ZBTB14: variants seen among roughly 807,000 people sequenced by gnomAD.
ZBTB14 encodes zinc finger and BTB domain-containing protein 14.
In ZBTB14, 8 loss-of-function variants were observed where a neutral mutation model predicts 29.5. The ratio of observed to expected loss-of-function variants is 0.27; its 90% CI spans 0.16 to 0.49. The LOEUF is 0.49. ZBTB14 is among the 20% of genes least tolerant of loss of function. The probability of loss-of-function intolerance (pLI) is 0.99; values close to 1 mark genes in which losing one functional copy is unlikely to be tolerated. For missense variants in ZBTB14, 333 were observed against 563.8 expected, an observed-to-expected ratio of 0.59 and a Z score of 4.15; for synonymous variants, 226 against 207.2, an observed-to-expected ratio of 1.09 and a Z score of -0.78.
In ZBTB14 at chr18:5,289,415, C is replaced by G. The variant is rs955354410; in HGVS notation, c.*1443G>C. On this transcript the variant is annotated 3_prime_UTR_variant, in exon 4 of 4. Coordinates refer to ENST00000651870, the MANE Select transcript of ZBTB14 (RefSeq NM_001243702.2). ...TACTTTAATTTTTTTAAAAGAAATC[C>G]TAGCAATGAAAAATGAGTTTGAAAA... is the stretch of plus-strand genomic sequence containing the variant. The G allele has an allele frequency of 6.6e-6, 1 of 152,078 alleles. No homozygotes were observed. Among genetic ancestry groups the G allele is most frequent in the Admixed American group, 6.5e-5 (1 of 15,274 alleles). The allele number at this position is 152,078 out of a possible 1,614,324, so 9.4% of individuals were successfully genotyped here.
At chr18:5,296,946 G>T (rs995693292), upstream of ZBTB14, 7 of 152,052 alleles carry the variant, frequency 4.6e-5, no homozygotes, top group African/African-American at 1.7e-4. Flanking sequence ...CTCTGACGCG[G>T]CGGCTGTGCC....
At position 5,291,129 on chromosome 18, in the gene ZBTB14, G is replaced by A. The variant is rs748777484; in HGVS notation, c.1079C>T (p.Pro360Leu). 1 of 1,614,250 alleles carries A rather than the reference G, an allele frequency of 6.2e-7. No individual in the cohort carries two copies. ...KHERVHSNER[P>L]FACHMCDKAF... The stretch of plus-strand genomic sequence containing the variant: ...TTTGTCACACATGTGGCACGCAAAC[G>A]GTCTTTCATTACTGTGAACTCTCTC... The change falls in exon 4 of 4, where the codon CCG (proline) becomes CTG (leucine). Residue 360 changes from proline to leucine, a missense_variant. Coordinates refer to ENST00000651870, the MANE Select transcript of ZBTB14 (RefSeq NM_001243702.2). This position sits in a 1 kb window ranked among gnomAD's most constrained non-coding sequence, Gnocchi z 5.8.
intron 1 of ZBTB14, among the ~76,000 whole-genome samples, chr18:5,294,236 A>C (rs72863631): frequency 0.12 from 18,572 of 152,202 alleles, 1,301 homozygotes; most frequent in Non-Finnish European, 0.16. Flanking sequence ...GTTAGGCAAC[A>C]TTTCCAAAAG....
rs1324046190 is a variant in ZBTB14, at chr18:5,289,502, A to C, written c.*1356T>G. ...ATTGACTAATACTTTTTTACAGAAC[A>C]CAATTCAAACTATTGTTGGCATTTC... is the stretch of plus-strand genomic sequence containing the variant. On this transcript the variant is annotated 3_prime_UTR_variant, in exon 4 of 4. Transcript: ENST00000651870. 1.3e-5 allele frequency: 2 copies of C among 152,214 alleles called. No homozygotes were observed. Among genetic ancestry groups the C allele is most frequent in the Admixed American group, 1.3e-4 (2 of 15,286 alleles). 9.4% of individuals were successfully genotyped at this position (152,214 alleles called of 1,614,324 possible). A position where few individuals can be genotyped will look rare whatever the true frequency, so the allele number is the denominator to read the frequency against.
upstream of ZBTB14, among the ~76,000 whole-genome samples, chr18:5,296,427 G>C (rs990666290): frequency 6.7e-6 from 1 of 150,042 alleles, no homozygotes; most frequent in African/African-American, 2.4e-5. Context: ...CCGGGGACGC[G>C]GGAGCCAGCG....
At position 5,291,926 on chromosome 18, in the gene ZBTB14, G is replaced by A. The variant is rs375725731; in HGVS notation, c.282C>T (p.Tyr94=). 61 of 1,614,154 alleles carry A rather than the reference G, an allele frequency of 3.8e-5. No individual in the cohort carries two copies. The South Asian group carries it at 5.6e-4, about 15-fold the overall frequency. The stretch of plus-strand genomic sequence containing the variant: ...CTTTTTTCACGGAAATCTTTGCTGT[G>A]TACATGTAGTTCAGGACCTCTTCAA... The part of the protein sequence containing the change: ...DIFEEVLNYM[Y]TAKISVKKED... The change falls in exon 4 of 4, where the codon TAC becomes TAT. Residue 94 remains tyrosine, a synonymous_variant. Coordinates refer to ENST00000651870, the MANE Select transcript of ZBTB14 (RefSeq NM_001243702.2). This position sits in a 1 kb window ranked among gnomAD's most constrained non-coding sequence, Gnocchi z 5.8.
At position 5,291,127 on chromosome 18, in the gene ZBTB14, A is replaced by G; in HGVS notation, c.1081T>C (p.Phe361Leu). The G allele has an allele frequency of 6.2e-7, 1 of 1,614,268 alleles. No homozygotes were observed. Among genetic ancestry groups the G allele is most frequent in the Non-Finnish European group, 8.5e-7 (1 of 1,180,050 alleles). ...HERVHSNERP[F>L]ACHMCDKAFK... is the part of the protein sequence containing the mutation. ...GCTTTGTCACACATGTGGCACGCAA[A>G]CGGTCTTTCATTACTGTGAACTCTC... The change falls in exon 4 of 4, where the codon TTT becomes CTT. Residue 361 changes from phenylalanine to leucine, a missense_variant. Phe to Leu is a conservative substitution (Grantham distance 22). Coordinates refer to ENST00000651870, the MANE Select transcript of ZBTB14 (RefSeq NM_001243702.2). The surrounding 1 kb of genome is among the most constrained non-coding windows in gnomAD (Gnocchi z 5.8).
intron 1 of ZBTB14, chr18:5,294,831 G>A (rs1037083381): frequency 2.0e-5 from 3 of 152,146 alleles, no homozygotes; most frequent in African/African-American, 7.2e-5. Flanking sequence ...CCCCTGCCCC[G>A]GGCAGCCCGA....
chr18:5,296,222 TGCGCACGC>T (rs1567910873), upstream of ZBTB14: 1 of 150,686 alleles, frequency 6.6e-6, no homozygotes, highest in Admixed American at 6.6e-5. Flanking sequence ...GGCCCTGGCC[TGCGCACGC>T]GCGCGCACGC....
At chr18:5,293,472 G>C (rs769308279) in intron 2 of ZBTB14, 145 bp from the exon 3 acceptor site, 7 of 550,842 alleles carry the variant, frequency 1.3e-5, no homozygotes, top group Non-Finnish European at 2.3e-5. Context: ...TAGGTAGCTG[G>C]TACATCAAGT....
chr18:5,296,814 C>T (rs1377800675), upstream of ZBTB14, among the ~76,000 whole-genome samples: 1 of 152,138 alleles, frequency 6.6e-6, no homozygotes, highest in African/African-American at 2.4e-5. Flanking sequence ...GAGGCGGCGA[C>T]CCGTCTGTGG....
rs2143219685 is a variant in ZBTB14, at chr18:5,290,874, G to A, written c.1334C>T (p.Thr445Met). 6.2e-7 allele frequency: 1 copy of A among 1,614,062 alleles called. No individual in the cohort carries two copies. The highest frequency in any genetic ancestry group is 8.5e-7 in the Non-Finnish European group (1 of 1,179,950). The change falls in exon 4 of 4, where the codon ACG becomes ATG. Residue 445 changes from threonine to methionine, a missense_variant. Physicochemically the swap from Thr to Met is moderately conservative, Grantham distance 81. Around this residue, in one of 3 missense-constraint regions of ZBTB14, gnomAD observed 140 missense variants for 274.6 expected, o/e 0.51. Coordinates refer to ENST00000651870, the MANE Select transcript of ZBTB14 (RefSeq NM_001243702.2). ...CCACCGCCTCTAGCTACAGGCTATC[G>A]TCTCCAGCTGCTGTTCTGCTTCCGC... is the stretch of plus-strand genomic sequence containing the variant. ...MAAEAEQQLE[T>M]IACS
At chr18:5,295,593 G>GC (rs1358578345) in intron 1 of ZBTB14, 59 bp downstream of exon 1, 1 of 144,162 alleles carries the variant, frequency 6.9e-6, no homozygotes, top group Non-Finnish European at 1.5e-5. Flanking sequence ...GGCCCGCGCG[G>GC]CCCCCGGGGC....
At chr18:5,296,549 C>T (rs547518730), upstream of ZBTB14, among the ~76,000 whole-genome samples, 2 of 152,070 alleles carry the variant, frequency 1.3e-5, no homozygotes, top group East Asian at 2.0e-4. Flanking sequence ...CGGCCACTTT[C>T]GCCCTCCGCG....
At position 5,291,720 on chromosome 18, in the gene ZBTB14, A is replaced by C; in HGVS notation, c.488T>G (p.Val163Gly). 1 of 1,614,024 alleles carries C rather than the reference A, an allele frequency of 6.2e-7. No individual in the cohort carries two copies. Among genetic ancestry groups the C allele is most frequent in the South Asian group, 1.1e-5 (1 of 91,070 alleles). Residue 163 changes from valine to glycine, a missense_variant, in exon 4 of 4, where the codon GTA becomes GGA. By Grantham distance (109) the Val-to-Gly change is moderately radical. Around this residue, in one of 3 missense-constraint regions of ZBTB14, gnomAD observed 126 missense variants for 132.2 expected, o/e 0.95. Transcript: ENST00000651870. The surrounding 1 kb of genome is among the most constrained non-coding windows in gnomAD (Gnocchi z 5.8). ...GTCATCCTGATCCCCGATTTCCTCT[A>C]CATCATCATCCTGGGTGTCAGCAGC... is the stretch of plus-strand genomic sequence containing the variant. Reference protein sequence around the residue: ...GDAADTQDDDVEEIGDQDDSP... With the variant: ...GDAADTQDDDGEEIGDQDDSP...
At chr18:5,296,408 GGCGCAGCGCCGGGGACGCGGGAGCCA>G (rs2071968856), upstream of ZBTB14, among the ~76,000 whole-genome samples, 1 of 148,336 alleles carries the variant, frequency 6.7e-6, no homozygotes, top group Admixed American at 6.7e-5. Flanking sequence ...GCCCGGCGCC[GGCGCAGCGCCGGGGACGCGGGAGCCA>G]GCGCTCCCGT....
Position 5,290,776 on chromosome 18 carries a change from T to A in ZBTB14, c.*82A>T, listed in dbSNP as rs2071794248. 2 of 1,536,518 alleles carry A rather than the reference T, an allele frequency of 1.3e-6. No individual in the cohort carries two copies. Among genetic ancestry groups the A allele is most frequent in the Admixed American group, 4.1e-5 (2 of 49,012 alleles). ...AATGTTCCATACGTTTCCACAAAAA[T>A]ATTGTAACTGGCATTCACTCATTAT... On this transcript the variant is annotated 3_prime_UTR_variant, in exon 4 of 4. Transcript: ENST00000651870.
chr18:5,291,754 T>A lies in ZBTB14; in HGVS notation c.454A>T (p.Ile152Phe). The change falls in exon 4 of 4, where the codon ATT becomes TTT. Residue 152 changes from isoleucine to phenylalanine, a missense_variant. By Grantham distance (21) the Ile-to-Phe change is conservative. Transcript: ENST00000651870. This position sits in a 1 kb window ranked among gnomAD's most constrained non-coding sequence, Gnocchi z 5.8. ...SKYCLKINRPIGDAADTQDDD... is the reference protein window; with the variant it reads ...SKYCLKINRPFGDAADTQDDD... ...TCCTGGGTGTCAGCAGCATCTCCAATGGGGCGATTTATTTTAAGGCAATAC... is the reference window on the plus strand; with the variant it reads ...TCCTGGGTGTCAGCAGCATCTCCAAAGGGGCGATTTATTTTAAGGCAATAC... 2 of 1,614,126 alleles carry A rather than the reference T, an allele frequency of 1.2e-6. No individual in the cohort carries two copies. The highest frequency in any genetic ancestry group is 1.7e-6 in the Non-Finnish European group (2 of 1,180,008).
upstream of ZBTB14, among the ~76,000 whole-genome samples, chr18:5,296,799 G>C (rs756846749): frequency 1.9e-4 from 29 of 152,276 alleles, no homozygotes; most frequent in Middle Eastern, 3.4e-3. Context: ...AAAGTCCAGG[G>C]GCTGGAGGCG....
Sources: allele counts gnomAD v4.1 joint callset (sites outside exome capture counted in the v4.1 genomes callset), GRCh38; gene constraint gnomAD v4.1.1; regional missense constraint gnomAD v4.1.1; non-coding constraint Gnocchi (gnomAD v3.1); transcripts MANE v1.5; gene names NCBI Gene and HGNC (gene_info 2026-07-23, HGNC 2026-07-21).